CNMD: variants seen among roughly 807,000 people sequenced by gnomAD.
The protein encoded by CNMD is leukocyte cell-derived chemotaxin 1.
CNMD carries 30 observed loss-of-function variants against 37.5 expected under a neutral mutation model. The ratio of observed to expected loss-of-function variants is 0.80; its 90% confidence interval spans 0.60 to 1.09. The LOEUF is 1.09. Among genes scored for constraint, CNMD ranks in the 50% least tolerant of loss-of-function variants. The pLI is 0.00. For missense variants in CNMD, 398 were observed against 423.9 expected (o/e 0.94, Z 0.54); for synonymous variants, 167 against 148.2 (o/e 1.13, Z -0.92).
intron 3 of CNMD, among the ~76,000 whole-genome samples, chr13:52,730,354 G>A (rs1964644331): frequency 6.6e-6 from 1 of 151,958 alleles, no homozygotes; most frequent in South Asian, 2.1e-4. Context: ...GGGATGGCTG[G>A]GTCAAATGGT....
chr13:52,739,726 C>G lies in CNMD; in HGVS notation c.-25G>C, dbSNP rs754271486. On this transcript the variant is annotated 5_prime_UTR_variant, in exon 1 of 7. Transcript: ENST00000377962. This position sits in a 1 kb window ranked among gnomAD's most constrained non-coding sequence, Gnocchi z 5.4. ...TGTTTGCGGCGGGAGGAGTGAGGCACTTGGAGACTCCCTGGGCACCCTGGG... is the reference window on the plus strand; with the variant it reads ...TGTTTGCGGCGGGAGGAGTGAGGCAGTTGGAGACTCCCTGGGCACCCTGGG... 4 of 1,605,210 alleles carry G rather than the reference C, an allele frequency of 2.5e-6. No individual in the cohort carries two copies. Among genetic ancestry groups the G allele is most frequent in the Non-Finnish European group, 3.4e-6 (4 of 1,172,186 alleles).
chr13:52,734,785 C>G (rs1418351109), intron 2 of CNMD, among the ~76,000 whole-genome samples: 1 of 152,082 alleles, frequency 6.6e-6, no homozygotes, highest in Non-Finnish European at 1.5e-5. Context: ...ATTTTTCTTC[C>G]TCATTATGAA....
At chr13:52,717,203 A>G (rs1964405531) in intron 4 of CNMD, among the ~76,000 whole-genome samples, 1 of 152,170 alleles carries the variant, frequency 6.6e-6, no homozygotes, top group Non-Finnish European at 1.5e-5. Flanking sequence ...GTATCCTGAG[A>G]CTTTGGTGCA....
chr13:52,704,834 G>T (rs1964148196), intron 6 of CNMD, among the ~76,000 whole-genome samples: 1 of 152,234 alleles, frequency 6.6e-6, no homozygotes, highest in East Asian at 1.9e-4. Context: ...GGCCAAGGTG[G>T]GTGGATCACC....
rs761439635 is a variant in CNMD at position 52,739,710 on chromosome 13, C to G, written c.-9G>C. On this transcript the variant is annotated 5_prime_UTR_variant, in exon 1 of 7. Coordinates refer to ENST00000377962, the MANE Select transcript of CNMD (RefSeq NM_007015.3). The surrounding 1 kb of genome is among the most constrained non-coding windows in gnomAD (Gnocchi z 5.4). ...TCGGAGTTCTCTGTCATGTTTGCGGCGGGAGGAGTGAGGCACTTGGAGACT... is the reference window on the plus strand; with the variant it reads ...TCGGAGTTCTCTGTCATGTTTGCGGGGGGAGGAGTGAGGCACTTGGAGACT... 2 of 1,613,696 alleles carry G rather than the reference C, an allele frequency of 1.2e-6. No homozygotes were observed. The highest frequency in any genetic ancestry group is 1.7e-6 in the Non-Finnish European group (2 of 1,179,690).
At chr13:52,738,905 G>T in intron 2 of CNMD, 126 bp downstream of exon 2, 1 of 803,126 alleles carries the variant, frequency 1.2e-6, no homozygotes, top group Non-Finnish European at 1.7e-6. Flanking sequence ...GATGGGAGAG[G>T]GGAGCTCACG....
At chr13:52,713,867 A>T (rs1211141013) in intron 4 of CNMD, among the ~76,000 whole-genome samples, 14 of 152,234 alleles carry the variant, frequency 9.2e-5, no homozygotes, top group Non-Finnish European at 1.9e-4. Flanking sequence ...TGCATCCTCC[A>T]TGCTAAGAAT....
At chr13:52,720,269 G>T (rs1964460169) in intron 4 of CNMD, among the ~76,000 whole-genome samples, 1 of 151,930 alleles carries the variant, frequency 6.6e-6, no homozygotes, top group Admixed American at 6.6e-5. Flanking sequence ...CCTTGCATTG[G>T]GTTAGAACAT....
rs150998242 is a variant in CNMD at position 52,718,794 on chromosome 13, T to C, written c.468+5203A>G. Among the ~76,000 whole-genome samples the C allele has an allele frequency of 1.6e-3, 238 of 152,348 alleles. 2 individuals carry two copies. The East Asian group carries it at 0.037, about 24-fold the overall frequency. On this transcript the variant is annotated intron_variant, in intron 4 of 6. Transcript: ENST00000377962. ...TTGTGATGTGGTGCTGAGAAGAATG[T>C]ATATTCTGTTGATTTGGAGTGGAGA...
chr13:52,736,330 T>C (rs1365124431), intron 2 of CNMD, among the ~76,000 whole-genome samples: 1 of 152,218 alleles, frequency 6.6e-6, no homozygotes, highest in African/African-American at 2.4e-5. Context: ...GATTTCACCA[T>C]GCTGGCCAGG....
intron 5 of CNMD, among the ~76,000 whole-genome samples, chr13:52,711,872 A>G (rs1964294647): frequency 2.0e-5 from 3 of 152,078 alleles, no homozygotes; most frequent in Non-Finnish European, 4.4e-5. Context: ...CTAACTGCCC[A>G]GTTTTTTCCC....
intron 3 of CNMD, among the ~76,000 whole-genome samples, chr13:52,732,490 A>G (rs955970744): frequency 2.6e-5 from 4 of 152,250 alleles, no homozygotes; most frequent in African/African-American, 9.6e-5. Flanking sequence ...TCTCCTTTTC[A>G]AAGGAGATGT....
At chr13:52,710,890 C>G (rs376781242) in intron 5 of CNMD, among the ~76,000 whole-genome samples, 26 of 152,228 alleles carry the variant, frequency 1.7e-4, no homozygotes, top group East Asian at 7.7e-4. Context: ...GAAGCTCTTT[C>G]CCCAAGTGAG....
intron 5 of CNMD, among the ~76,000 whole-genome samples, chr13:52,709,148 A>G (rs1015162654): frequency 1.3e-5 from 2 of 152,252 alleles, no homozygotes; most frequent in Non-Finnish European, 2.9e-5. Flanking sequence ...AAAAGGGGAC[A>G]GATAGGCTTC....
At chr13:52,712,656 G>A (rs1425478011) in intron 5 of CNMD, 60 bp downstream of exon 5, 9 of 1,182,262 alleles carry the variant, frequency 7.6e-6, no homozygotes, top group Middle Eastern at 2.6e-4. Context: ...GGGGTTGGAG[G>A]AACCTCACAT....
Position 52,708,667 on chromosome 13 carries a change from T to A in CNMD, c.658A>T (p.Ile220Phe). ...GGTCTTTTTGTGGTAGTTGGAACAA[T>A]TTTTCTTACCACTTCTCTTCTTTCC... ...QRERREVVRK[I>F]VPTTTKRPHS... is the part of the protein sequence containing the mutation. The change falls in exon 6 of 7, where the codon ATT becomes TTT. Residue 220 changes from isoleucine to phenylalanine, a missense_variant. By Grantham distance (21) the Ile-to-Phe change is conservative. Coordinates refer to ENST00000377962, the MANE Select transcript of CNMD (RefSeq NM_007015.3). 1 of 1,611,308 alleles carries A rather than the reference T, an allele frequency of 6.2e-7. No homozygotes were observed. Among genetic ancestry groups the A allele is most frequent in the Non-Finnish European group, 8.5e-7 (1 of 1,179,310 alleles).
Position 52,739,301 on chromosome 13 carries a change from C to A in CNMD, c.73-130G>T. On this transcript the variant is annotated intron_variant, in intron 1 of 6. Coordinates refer to ENST00000377962, the MANE Select transcript of CNMD (RefSeq NM_007015.3). The surrounding 1 kb of genome is among the most constrained non-coding windows in gnomAD (Gnocchi z 5.4). ...GGGCGGGAAACAGCTCGCCCGGGCT[C>A]CTACGGGTGCCCCTTTCGCCGCGCT... 1 of 1,128,964 alleles carries A rather than the reference C, an allele frequency of 8.9e-7. No homozygotes were observed. Among genetic ancestry groups the A allele is most frequent in the South Asian group, 1.7e-5 (1 of 57,792 alleles). 69.9% of individuals were successfully genotyped at this position (1,128,964 alleles called of 1,614,324 possible).
In CNMD at chr13:52,707,395, C is replaced by T. The variant is rs182204611; in HGVS notation, c.789+1141G>A. Among the ~76,000 whole-genome samples the T allele has an allele frequency of 2.4e-3, 274 of 115,246 alleles. 6 individuals carry two copies. The highest frequency in any genetic ancestry group is 6.6e-3 in the African/African-American group (255 of 38,814). 75.6% of individuals were successfully genotyped at this position (115,246 alleles called of 152,430 possible). ...TCTATCCTCTAACTGAAGTGAGAGC[C>T]CCTGAGGGCAGATGACACCTCGTGT... is the stretch of plus-strand genomic sequence containing the variant. On this transcript the variant is annotated intron_variant, in intron 6 of 6. Transcript: ENST00000377962.
intron 6 of CNMD, among the ~76,000 whole-genome samples, chr13:52,705,956 G>A (rs979161309): frequency 1.3e-5 from 2 of 152,190 alleles, no homozygotes; most frequent in South Asian, 4.2e-4. Context: ...AAAGTATTGT[G>A]GCATCCTGAA....
Sources: allele counts gnomAD v4.1 joint callset (sites outside exome capture counted in the v4.1 genomes callset), GRCh38; gene constraint gnomAD v4.1.1; non-coding constraint Gnocchi (gnomAD v3.1); transcripts MANE v1.5; gene names NCBI Gene and HGNC (gene_info 2026-07-23, HGNC 2026-07-21).